FOXN3: variants seen among roughly 807,000 people sequenced by gnomAD.
FOXN3 encodes the protein forkhead box protein N3.
FOXN3 carries 7 observed loss-of-function variants against 38.4 expected under a neutral mutation model. That is an observed-to-expected ratio of 0.18 (90% confidence interval 0.10 to 0.34). The LOEUF (loss-of-function observed/expected upper bound fraction) is 0.34. FOXN3 is among the 10% of genes least tolerant of loss of function. FOXN3 has a pLI of 1.00. For synonymous variants in FOXN3, 230 were observed against 242.2 expected, an observed-to-expected ratio of 0.95 and a Z score of 0.47; for missense variants, 456 against 613.4, an observed-to-expected ratio of 0.74 and a Z score of 2.71.
rs963558720 is a variant in FOXN3, at chr14:89,163,960, C to A, written c.852-991G>T. Among the ~76,000 whole-genome samples, 38 of 152,240 alleles carry A rather than the reference C, an allele frequency of 2.5e-4. No homozygotes were observed. The highest frequency in any genetic ancestry group is 8.9e-4 in the African/African-American group (37 of 41,458). On this transcript the variant is annotated intron_variant, in intron 5 of 5. Transcript: ENST00000557258. The surrounding 1 kb of genome is among the most constrained non-coding windows in gnomAD (Gnocchi z 4.3). Reference sequence around the variant, plus strand: ...TAAGGCGTCTGTAGCACTCATCACACCTCTGATTATTTCTTTGTGTCTTTA... The same window carrying A: ...TAAGGCGTCTGTAGCACTCATCACAACTCTGATTATTTCTTTGTGTCTTTA...
At chr14:89,402,035 T>C (rs927451555) in intron 2 of FOXN3, among the ~76,000 whole-genome samples, 4 of 152,218 alleles carry the variant, frequency 2.6e-5, no homozygotes, top group African/African-American at 7.2e-5. Context: ...ATCCTGTTCA[T>C]GGAACTGTCT....
intron 3 of FOXN3, among the ~76,000 whole-genome samples, chr14:89,283,594 C>T (rs544801497): frequency 1.2e-3 from 190 of 152,234 alleles, no homozygotes; most frequent in African/African-American, 4.4e-3. Flanking sequence ...ACCACCCATC[C>T]TCAGGCAGCT....
chr14:89,341,205 C>A (rs1462129425), intron 3 of FOXN3, among the ~76,000 whole-genome samples: 2 of 152,192 alleles, frequency 1.3e-5, no homozygotes, highest in African/African-American at 4.8e-5. Flanking sequence ...CTTCATCTGT[C>A]CACCCACCCA....
chr14:89,511,419 A>T (rs1158878768), intron 1 of FOXN3, among the ~76,000 whole-genome samples: 1 of 151,302 alleles, frequency 6.6e-6, no homozygotes, highest in Non-Finnish European at 1.5e-5. Flanking sequence ...AAGCCCCCTG[A>T]GTAGCTAGGA....
intron 1 of FOXN3, among the ~76,000 whole-genome samples, chr14:89,509,229 T>TTATA (rs1218446251): frequency 2.0e-5 from 3 of 152,204 alleles, no homozygotes; most frequent in Non-Finnish European, 4.4e-5. Flanking sequence ...TGGGTCAAAG[T>TTATA]TATAGCACCC....
At chr14:89,599,847 T>C (rs980642073) in intron 1 of FOXN3, among the ~76,000 whole-genome samples, 1 of 152,236 alleles carries the variant, frequency 6.6e-6, no homozygotes, top group Non-Finnish European at 1.5e-5. Flanking sequence ...TTCTGCCTTT[T>C]CACAGGACCT....
At chr14:89,279,701 C>T (rs1032781812) in intron 4 of FOXN3, among the ~76,000 whole-genome samples, 4 of 152,056 alleles carry the variant, frequency 2.6e-5, no homozygotes, top group African/African-American at 4.8e-5. Flanking sequence ...AGGATATCTA[C>T]GATGATTATT....
intron 1 of FOXN3, among the ~76,000 whole-genome samples, chr14:89,434,409 T>C (rs1417343674): frequency 6.6e-6 from 1 of 151,982 alleles, no homozygotes; most frequent in Non-Finnish European, 1.5e-5. Flanking sequence ...TTTGTATTTT[T>C]AGTAAAGACA....
At chr14:89,191,524 T>C (rs552430197) in intron 4 of FOXN3, among the ~76,000 whole-genome samples, 1 of 152,316 alleles carries the variant, frequency 6.6e-6, no homozygotes, top group East Asian at 1.9e-4. Flanking sequence ...CTCGCACTTG[T>C]CAGTTTTTGT....
intron 5 of FOXN3, among the ~76,000 whole-genome samples, chr14:89,175,004 T>A (rs1417497080): frequency 6.6e-6 from 1 of 152,176 alleles, no homozygotes; most frequent in Admixed American, 6.5e-5. Flanking sequence ...AACAACCCTA[T>A]CTTAATACTA....
chr14:89,222,395 G>A (rs1051518394), intron 4 of FOXN3, among the ~76,000 whole-genome samples: 3 of 152,080 alleles, frequency 2.0e-5, no homozygotes, highest in African/African-American at 4.8e-5. Context: ...ATGGAAAGAC[G>A]CTTACATATA....
At chr14:89,191,860 T>A (rs1327739767) in intron 4 of FOXN3, among the ~76,000 whole-genome samples, 1 of 150,328 alleles carries the variant, frequency 6.7e-6, no homozygotes, top group Non-Finnish European at 1.5e-5. Flanking sequence ...TTTTAATAAG[T>A]ACATTATATG....
chr14:89,535,637 C>A (rs531291669), intron 1 of FOXN3, among the ~76,000 whole-genome samples: 82 of 152,310 alleles, frequency 5.4e-4, no homozygotes, highest in African/African-American at 1.9e-3. Flanking sequence ...ATTTTCCAGA[C>A]TGTCTTTTCA....
intron 2 of FOXN3, among the ~76,000 whole-genome samples, chr14:89,388,931 G>A (rs984696385): frequency 5.9e-5 from 9 of 152,162 alleles, no homozygotes; most frequent in South Asian, 2.1e-4. Flanking sequence ...AGTTCAGCAA[G>A]GGATCCCAGA....
chr14:89,554,236 G>A (rs1895067415), intron 1 of FOXN3, among the ~76,000 whole-genome samples: 1 of 152,044 alleles, frequency 6.6e-6, no homozygotes, highest in Non-Finnish European at 1.5e-5. Flanking sequence ...TCCTGACCTC[G>A]TGATCCGCCT....
At chr14:89,531,081 C>CAT (rs905740121) in intron 1 of FOXN3, among the ~76,000 whole-genome samples, 1 of 145,908 alleles carries the variant, frequency 6.9e-6, no homozygotes, top group Non-Finnish European at 1.5e-5. Context: ...TATACACACA[C>CAT]ATATATATAC....
chr14:89,200,251 A>C (rs1477421187), intron 4 of FOXN3, among the ~76,000 whole-genome samples: 1 of 152,214 alleles, frequency 6.6e-6, no homozygotes, highest in Non-Finnish European at 1.5e-5. Flanking sequence ...GAACAGTATC[A>C]CAGTGAACCC....
chr14:89,607,519 A>T (rs1370580082), intron 1 of FOXN3, among the ~76,000 whole-genome samples: 1 of 150,872 alleles, frequency 6.6e-6, no homozygotes, highest in East Asian at 2.0e-4. Flanking sequence ...AGATTACCCC[A>T]CTGCACTCCA....
At chr14:89,566,655 G>A (rs1188945726) in intron 1 of FOXN3, among the ~76,000 whole-genome samples, 1 of 152,194 alleles carries the variant, frequency 6.6e-6, no homozygotes, top group East Asian at 1.9e-4. Context: ...TGGTTTTCGG[G>A]AAATGAGATT....
Sources: gnomAD v4.1 joint callset for allele counts (sites outside exome capture counted in the v4.1 genomes callset) on GRCh38, gnomAD v4.1.1 for gene constraint, Gnocchi (gnomAD v3.1) non-coding constraint, MANE v1.5 for transcripts, NCBI Gene and HGNC (gene_info 2026-07-23, HGNC 2026-07-21) for gene names.